Variants in SAMD5 observed in about 807,000 individuals in gnomAD.
The protein encoded by SAMD5 is sterile alpha motif domain containing 5.
A neutral mutation model predicts 11.3 loss-of-function variants in SAMD5; 13 were observed. That is an observed-to-expected ratio of 1.15 (90% CI 0.75 to 1.83). The LOEUF is 1.83. SAMD5 is among the 40% of genes most tolerant of loss of function. The pLI is 0.00. For missense variants in SAMD5, 255 were observed against 239.1 expected (o/e 1.07, Z -0.44); for synonymous variants, 129 against 111.3 (o/e 1.16, Z -1.00).
At position 147,508,875 on chromosome 6, in the gene SAMD5, C is replaced by A; in HGVS notation, c.-54C>A. 2 of 1,575,908 alleles carry A rather than the reference C, an allele frequency of 1.3e-6. No individual in the cohort carries two copies. The highest frequency in any genetic ancestry group is 1.2e-5 in the South Asian group (1 of 86,078). ...TAAAAGTTCCAAGAACTGGTGCCGC[C>A]CGTGCCATTTGGGCGCTGGGAAGGT... On this transcript the variant is annotated 5_prime_UTR_variant, in exon 1 of 2. Transcript: ENST00000367474.
the SAMD5 span, among the ~76,000 whole-genome samples, chr6:147,823,184 T>C: frequency 2.5e-4 from 38 of 152,214 alleles, no homozygotes; most frequent in Non-Finnish European, 4.7e-4. Flanking sequence ...TTTTGCTATT[T>C]TTTTGATTTG....
chr6:147,948,396 A>G, the SAMD5 span, among the ~76,000 whole-genome samples: 2 of 152,044 alleles, frequency 1.3e-5, no homozygotes, highest in African/African-American at 4.8e-5. Flanking sequence ...TTGAGCTGAC[A>G]CAGAAAATGC....
At chr6:147,798,667 G>T in the SAMD5 span, among the ~76,000 whole-genome samples, 1 of 152,012 alleles carries the variant, frequency 6.6e-6, no homozygotes, top group Non-Finnish European at 1.5e-5. Flanking sequence ...TGACAGTGGG[G>T]TGTTAAAGTC....
chr6:147,808,814 G>A, the SAMD5 span, among the ~76,000 whole-genome samples: 1 of 152,070 alleles, frequency 6.6e-6, no homozygotes, highest in Non-Finnish European at 1.5e-5. Context: ...GCTTGTGTCA[G>A]CAGTTTAAAA....
chr6:147,881,945 A>C, the SAMD5 span, among the ~76,000 whole-genome samples: 2 of 152,230 alleles, frequency 1.3e-5, no homozygotes, highest in East Asian at 1.9e-4. Context: ...CATCCATTAC[A>C]TTGTCCAGTG....
chr6:147,533,552 A>G (rs1030144078), intron 1 of SAMD5, among the ~76,000 whole-genome samples: 1 of 152,112 alleles, frequency 6.6e-6, no homozygotes, highest in Non-Finnish European at 1.5e-5. Flanking sequence ...TTGCAAGAGC[A>G]TCAGTGGTGG....
At chr6:147,595,378 C>T (rs747681876) in intron 1 of SAMD5, among the ~76,000 whole-genome samples, 2 of 152,144 alleles carry the variant, frequency 1.3e-5, no homozygotes, top group Non-Finnish European at 2.9e-5. Flanking sequence ...ACTTTCCCAA[C>T]AGTTAGCCAG....
chr6:147,650,784 C>T (rs763187266), intron 1 of SAMD5, among the ~76,000 whole-genome samples: 8 of 152,034 alleles, frequency 5.3e-5, no homozygotes, highest in South Asian at 2.1e-4. Flanking sequence ...GAGGGTGATG[C>T]GGTTTCCATG....
chr6:147,671,315 T>A (rs566725561), intron 1 of SAMD5, among the ~76,000 whole-genome samples: 1 of 152,234 alleles, frequency 6.6e-6, no homozygotes, highest in Non-Finnish European at 1.5e-5. Context: ...AGTGAGCACA[T>A]GCTGTTGGAA....
intron 1 of SAMD5, among the ~76,000 whole-genome samples, chr6:147,667,526 G>A (rs962841611): frequency 2.0e-4 from 30 of 152,256 alleles, no homozygotes; most frequent in African/African-American, 7.0e-4. Context: ...TCCTTGTCCT[G>A]TTTGCATTTT....
chr6:147,854,884 A>G, the SAMD5 span, among the ~76,000 whole-genome samples: 1 of 152,220 alleles, frequency 6.6e-6, no homozygotes, highest in Non-Finnish European at 1.5e-5. Context: ...TTACTCCTAT[A>G]GTAGACACTA....
chr6:147,641,650 G>T (rs774548880), intron 1 of SAMD5, among the ~76,000 whole-genome samples: 1 of 149,738 alleles, frequency 6.7e-6, no homozygotes, highest in Non-Finnish European at 1.5e-5. Context: ...TAACGAGTGT[G>T]TGTACTTTTA....
intron 1 of SAMD5, among the ~76,000 whole-genome samples, chr6:147,554,767 A>T (rs1788828085): frequency 6.6e-6 from 1 of 152,102 alleles, no homozygotes; most frequent in South Asian, 2.1e-4. Flanking sequence ...GAATGGGCAG[A>T]ATTCTATTTC....
intron 1 of SAMD5, among the ~76,000 whole-genome samples, chr6:147,550,196 T>C (rs1421856251): frequency 1.3e-5 from 2 of 152,194 alleles, no homozygotes; most frequent in East Asian, 3.9e-4. Flanking sequence ...TGAGCCATGA[T>C]CACTGCACTA....
chr6:147,939,897 A>G, the SAMD5 span, among the ~76,000 whole-genome samples: 1 of 152,130 alleles, frequency 6.6e-6, no homozygotes, highest in South Asian at 2.1e-4. Flanking sequence ...ACATATTTCT[A>G]TAGGGGTAAG....
chr6:147,914,031 A>G, the SAMD5 span, among the ~76,000 whole-genome samples: 57 of 152,300 alleles, frequency 3.7e-4, no homozygotes, highest in African/African-American at 1.3e-3. Context: ...AGTCCTGGTT[A>G]AGATGAGGCT....
chr6:147,922,990 T>C, the SAMD5 span, among the ~76,000 whole-genome samples: 37 of 152,202 alleles, frequency 2.4e-4, no homozygotes, highest in South Asian at 7.5e-3. Flanking sequence ...TTCCCACTGA[T>C]TTAGTCTGCC....
At chr6:147,948,480 A>ATC in the SAMD5 span, among the ~76,000 whole-genome samples, 2 of 152,166 alleles carry the variant, frequency 1.3e-5, no homozygotes, top group Non-Finnish European at 2.9e-5. Context: ...GACCTTTGTT[A>ATC]TCTTACGTTA....
chr6:147,920,517 G>A, the SAMD5 span, among the ~76,000 whole-genome samples: 2 of 152,124 alleles, frequency 1.3e-5, no homozygotes, highest in Non-Finnish European at 2.9e-5. Context: ...GTGATCGTGT[G>A]AGTCAGTACT....
Sources: gnomAD v4.1 joint callset for allele counts (sites outside exome capture counted in the v4.1 genomes callset) on GRCh38, gnomAD v4.1.1 for gene constraint, MANE v1.5 for transcripts, NCBI Gene and HGNC (gene_info 2026-07-23, HGNC 2026-07-21) for gene names.